Variants in PCDHGA6 observed in about 807,000 individuals in gnomAD.
PCDHGA6 encodes protocadherin gamma-A6.
PCDHGA6 carries 41 observed loss-of-function variants against 60.6 expected under a neutral mutation model. The observed-to-expected ratio is 0.68, with a 90% CI of 0.53 to 0.88. PCDHGA6 has a LOEUF of 0.88. Among genes scored for constraint, PCDHGA6 ranks in the 40% least tolerant of loss-of-function variants. PCDHGA6 has a pLI of 0.00. For synonymous variants in PCDHGA6, 594 were observed against 524.4 expected (o/e 1.13, Z -1.81); for missense variants, 1,312 against 1,203.0 (o/e 1.09, Z -1.34).
chr5:141,419,447 C>T (rs754931078), intron 1 of PCDHGA6: 8 of 1,613,016 alleles, frequency 5.0e-6, no homozygotes, highest in Non-Finnish European at 4.2e-6. Flanking sequence ...CACCTTCGAG[C>T]TCACGCTGCA....
intron 1 of PCDHGA6, chr5:141,394,258 A>T: frequency 6.2e-7 from 1 of 1,613,912 alleles, no homozygotes; most frequent in Non-Finnish European, 8.5e-7. Context: ...CCCGACAGCC[A>T]GGAGAATGCC....
At chr5:141,383,939 T>C (rs1272507661) in intron 1 of PCDHGA6, 1 of 1,613,738 alleles carries the variant, frequency 6.2e-7, no homozygotes, top group African/African-American at 1.3e-5. Context: ...GCTCCAGAAG[T>C]GACTATGACG....
In PCDHGA6 at chr5:141,394,565, T is replaced by C. The variant is rs199836246; in HGVS notation, c.2424+18058T>C. ...AGCTGGCGCCCCGCTCCGCAGAGCG[T>C]GGCTACCTGGTGACCAAGGTGGTGG... On this transcript the variant is annotated intron_variant, in intron 1 of 3. Transcript: ENST00000517434. The C allele has an allele frequency of 4.7e-3, 7,555 of 1,612,722 alleles. 48 individuals carry two copies. The highest frequency in any genetic ancestry group is 9.5e-3 in the Admixed American group (567 of 59,986).
In PCDHGA6 at chr5:141,415,309, G is replaced by C. The variant is rs199689792; in HGVS notation, c.2424+38802G>C. 3.4e-5 allele frequency: 55 copies of C among 1,614,098 alleles called. No homozygotes were observed. Among genetic ancestry groups the C allele is most frequent in the Middle Eastern group, 1.6e-4 (1 of 6,084 alleles). On this transcript the variant is annotated intron_variant, in intron 1 of 3. Transcript: ENST00000517434. ...GGTCTCCTGCGTCTTCCTGGCCTTC[G>C]TCATCGTGCTGCTGGCGCACAGGCT...
intron 1 of PCDHGA6, among the ~76,000 whole-genome samples, chr5:141,381,246 A>G (rs2150176708): frequency 6.6e-6 from 1 of 152,374 alleles, no homozygotes; most frequent in Non-Finnish European, 1.5e-5. Context: ...TCCAGGACCT[A>G]GAAGAATTTA....
chr5:141,458,624 C>G (rs1382508302), intron 1 of PCDHGA6, among the ~76,000 whole-genome samples: 1 of 152,082 alleles, frequency 6.6e-6, no homozygotes, highest in East Asian at 1.9e-4. Context: ...GGCTGGAGTG[C>G]AGTGGCACAA....
chr5:141,392,713 G>C, intron 1 of PCDHGA6: 1 of 1,363,444 alleles, frequency 7.3e-7, no homozygotes, highest in Non-Finnish European at 9.6e-7. Flanking sequence ...AGGCACTCCA[G>C]GTTTCCGGAG....
At position 141,491,623 on chromosome 5, in the gene PCDHGA6, G is replaced by A. The variant is rs767724749; in HGVS notation, c.2425-3184G>A. The A allele has an allele frequency of 3.7e-6, 6 of 1,613,812 alleles. No homozygotes were observed. The highest frequency in any genetic ancestry group is 2.7e-5 in the African/African-American group (2 of 74,938). On this transcript the variant is annotated intron_variant, in intron 1 of 3. Transcript: ENST00000517434. This position sits in a 1 kb window ranked among gnomAD's most constrained non-coding sequence, Gnocchi z 6.9. ...CTTCACTTTTCTAAGACCCCTCAGC[G>A]TTCAGCAGCCCACAGCTCTGGCGCT...
rs530001704 is a variant in PCDHGA6, at chr5:141,434,708, ATC to A, written c.2424+58205_2424+58206del. 3.9e-3 allele frequency among the ~76,000 whole-genome samples: 589 copies of A among 152,052 alleles called. 6 individuals are homozygous for A. The highest frequency in any genetic ancestry group is 0.011 in the Admixed American group (170 of 15,250). ...TTGCTGTTAATAAATATGTGGGTAA[ATC>A]TCTGTTCAGGGCTCTCAGCTCTGAA... On this transcript the variant is annotated intron_variant, in intron 1 of 3. Coordinates refer to ENST00000517434, the MANE Select transcript of PCDHGA6 (RefSeq NM_018919.3).
intron 1 of PCDHGA6, chr5:141,404,646 C>G (rs1461001534): frequency 3.1e-6 from 5 of 1,614,208 alleles, no homozygotes; most frequent in Non-Finnish European, 3.4e-6. Flanking sequence ...ATCCTGTACC[C>G]TGCCCTCCCC....
chr5:141,420,061 G>C, intron 1 of PCDHGA6: 1 of 1,614,076 alleles, frequency 6.2e-7, no homozygotes. Flanking sequence ...TCTGCTCCAA[G>C]TCCGGACCTG....
At chr5:141,388,291 A>G (rs571418912) in intron 1 of PCDHGA6, 114 of 1,613,582 alleles carry the variant, frequency 7.1e-5, no homozygotes, top group Non-Finnish European at 2.5e-6. Context: ...TTCACGCAAA[A>G]TTCCTTTGAG....
chr5:141,442,596 T>C (rs2154559877), intron 1 of PCDHGA6: 1 of 152,310 alleles, frequency 6.6e-6, no homozygotes, highest in South Asian at 2.1e-4. Flanking sequence ...TTAAATATTT[T>C]CAGAGATCTC....
intron 3 of PCDHGA6, among the ~76,000 whole-genome samples, chr5:141,509,336 GC>G (rs2099876304): frequency 6.6e-6 from 1 of 152,178 alleles, no homozygotes; most frequent in Non-Finnish European, 1.5e-5. Context: ...TGCCAGCTGG[GC>G]CTGGGCTGGC....
rs371350905 is a variant in PCDHGA6 at position 141,476,860 on chromosome 5, G to A, written c.2425-17947G>A. The A allele has an allele frequency of 6.7e-5, 108 of 1,613,762 alleles. No individual in the cohort carries two copies. The highest frequency in any genetic ancestry group is 1.6e-4 in the East Asian group (7 of 44,884). ...ATGCGCCTGTCTTCAACCAGTCCTT[G>A]TACCGGGCGCGCGTCCTGGAGGATG... is the stretch of plus-strand genomic sequence containing the variant. On this transcript the variant is annotated intron_variant, in intron 1 of 3. Transcript: ENST00000517434. This position sits in a 1 kb window ranked among gnomAD's most constrained non-coding sequence, Gnocchi z 7.6.
intron 3 of PCDHGA6, among the ~76,000 whole-genome samples, chr5:141,510,034 T>A (rs2099879281): frequency 6.6e-6 from 1 of 152,156 alleles, no homozygotes; most frequent in Non-Finnish European, 1.5e-5. Flanking sequence ...TGGGCTGTTA[T>A]GTAGAGGTTA....
At chr5:141,407,964 C>G in intron 1 of PCDHGA6, 1 of 683,628 alleles carries the variant, frequency 1.5e-6, no homozygotes, top group Non-Finnish European at 2.3e-6. Context: ...GCAGAGCAAG[C>G]GCTGACGCCG....
At chr5:141,395,472 A>T in intron 1 of PCDHGA6, 1 of 548,076 alleles carries the variant, frequency 1.8e-6, no homozygotes, top group South Asian at 2.6e-5. Flanking sequence ...GCCTTCCAGT[A>T]TTTTATTCCT....
chr5:141,456,678 T>C (rs2098875796), intron 1 of PCDHGA6, among the ~76,000 whole-genome samples: 1 of 152,152 alleles, frequency 6.6e-6, no homozygotes, highest in South Asian at 2.1e-4. Flanking sequence ...TAAAAATGCA[T>C]TACTGGCCAG....
Sources: gnomAD v4.1 joint callset for allele counts (sites outside exome capture counted in the v4.1 genomes callset) on GRCh38, gnomAD v4.1.1 for gene constraint, Gnocchi (gnomAD v3.1) non-coding constraint, MANE v1.5 for transcripts, NCBI Gene and HGNC (gene_info 2026-07-23, HGNC 2026-07-21) for gene names.